The following IFT140 variants were observed in gnomAD, a reference collection of about 807,000 sequenced individuals.
IFT140 encodes the protein intraflagellar transport protein 140 homolog.
A neutral mutation model predicts 164.6 loss-of-function variants in IFT140; 133 were observed. The observed-to-expected ratio is 0.81, with a 90% confidence interval of 0.70 to 0.93. The LOEUF (loss-of-function observed/expected upper bound fraction) is 0.93. Ranked by LOEUF, IFT140 falls within the 40% of genes least tolerant of loss-of-function variation. The probability of loss-of-function intolerance (pLI) is 0.00; values close to 1 mark genes in which losing one functional copy is unlikely to be tolerated. For missense variants in IFT140, 2,045 were observed against 1,972.3 expected, an observed-to-expected ratio of 1.04 and a Z score of -0.70; for synonymous variants, 860 against 817.3, an observed-to-expected ratio of 1.05 and a Z score of -0.89.
intron 19 of IFT140, among the ~76,000 whole-genome samples, chr16:1,548,723 T>C (rs1326190834): frequency 6.6e-6 from 1 of 151,988 alleles, no homozygotes; most frequent in Non-Finnish European, 1.5e-5. Context: ...CTCCCCCACG[T>C]AGGGAAGGTG....
intron 13 of IFT140, among the ~76,000 whole-genome samples, chr16:1,572,516 G>T (rs2141649408): frequency 6.6e-6 from 1 of 152,246 alleles, no homozygotes; most frequent in East Asian, 1.9e-4. Context: ...TGTGGCGGTG[G>T]GTGCCTGTAG....
intron 19 of IFT140, chr16:1,554,270 C>T (rs1420293619): frequency 1.8e-5 from 8 of 434,814 alleles, no homozygotes; most frequent in Non-Finnish European, 2.4e-5. Flanking sequence ...GCTCTGGGCG[C>T]GATGAGCACC....
intron 19 of IFT140, among the ~76,000 whole-genome samples, chr16:1,548,189 G>C (rs2032331716): frequency 6.6e-6 from 1 of 152,086 alleles, no homozygotes; most frequent in African/African-American, 2.4e-5. Flanking sequence ...GCAGGGACTT[G>C]AGGTGGCCAG....
intron 4 of IFT140, among the ~76,000 whole-genome samples, chr16:1,597,771 A>T (rs1206390387): frequency 3.9e-5 from 6 of 152,228 alleles, no homozygotes; most frequent in Admixed American, 2.0e-4. Flanking sequence ...TGGATAATCT[A>T]TTTTGCTAGC....
At chr16:1,534,210 C>T in intron 19 of IFT140, 4 of 1,589,652 alleles carry the variant, frequency 2.5e-6, no homozygotes, top group Non-Finnish European at 3.4e-6. Flanking sequence ...GTCGGCTCTC[C>T]CTGGACGTGC....
At chr16:1,572,473 C>A (rs921294216) in intron 13 of IFT140, among the ~76,000 whole-genome samples, 3 of 152,048 alleles carry the variant, frequency 2.0e-5, no homozygotes, top group African/African-American at 7.2e-5. Context: ...GGTGAAACCC[C>A]GTCTCTACTA....
At chr16:1,592,883 AC>A (rs1415796485) in intron 4 of IFT140, among the ~76,000 whole-genome samples, 1 of 151,312 alleles carries the variant, frequency 6.6e-6, no homozygotes, top group Non-Finnish European at 1.5e-5. Context: ...TGGCAGAGTG[AC>A]TGGTGGAAGG....
Position 1,553,943 on chromosome 16 carries a change from G to A in IFT140, c.2399+3992C>T. ...TTTGGAGCTCCTCAAAGATAAAACT[G>A]TAAGTGAAACTGTAGCATCAGCGAC... On this transcript the variant is annotated intron_variant, in intron 19 of 30. Transcript: ENST00000426508. The surrounding 1 kb of genome is among the most constrained non-coding windows in gnomAD (Gnocchi z 4.4). The A allele has an allele frequency of 7.8e-7, 1 of 1,286,582 alleles. No homozygotes were observed. Among genetic ancestry groups the A allele is most frequent in the South Asian group, 1.2e-5 (1 of 80,920 alleles). 79.7% of individuals were successfully genotyped at this position (1,286,582 alleles called of 1,614,324 possible).
Position 1,571,459 on chromosome 16 carries a change from G to A in IFT140, c.1600C>T (p.Leu534=), listed in dbSNP as rs747185980. ...TGAGCCAAGTCTGTCCCTACAACCA[G>A]GAAATTCCCACAGATGTCCAAGAAG... ...PCFLDICGNF[L]VVGTDLAHFK... Residue 534 remains leucine (L), a synonymous_variant, in exon 14 of 31, where the codon CTG becomes TTG. Coordinates refer to ENST00000426508, the MANE Select transcript of IFT140 (RefSeq NM_014714.4). 2 of 1,614,160 alleles carry A rather than the reference G, an allele frequency of 1.2e-6. No homozygotes were observed. The highest frequency in any genetic ancestry group is 1.6e-4 in the Middle Eastern group (1 of 6,062).
At chr16:1,535,942 C>T (rs2031022947) in intron 19 of IFT140, among the ~76,000 whole-genome samples, 1 of 152,270 alleles carries the variant, frequency 6.6e-6, no homozygotes, top group South Asian at 2.1e-4. Context: ...AGGCGCCCTT[C>T]TTCCAGACTC....
intron 19 of IFT140, among the ~76,000 whole-genome samples, chr16:1,529,455 G>A (rs924285469): frequency 3.9e-5 from 6 of 152,350 alleles, no homozygotes; most frequent in South Asian, 2.1e-4. Context: ...TCGGCGCTGC[G>A]GTGAAGGTGA....
intron 13 of IFT140, among the ~76,000 whole-genome samples, chr16:1,572,725 G>A (rs141604003): frequency 1.3e-5 from 2 of 152,234 alleles, no homozygotes; most frequent in Non-Finnish European, 1.5e-5. Context: ...ATGCTTTGTG[G>A]TGTGTCTTTT....
chr16:1,530,022 G>T (rs1173691362), intron 19 of IFT140, among the ~76,000 whole-genome samples: 7 of 152,148 alleles, frequency 4.6e-5, no homozygotes, highest in Non-Finnish European at 7.4e-5. Flanking sequence ...CTGGGTGGTG[G>T]CAGCACTGGG....
chr16:1,563,702 C>T (rs1297844597), intron 17 of IFT140, among the ~76,000 whole-genome samples: 5 of 152,168 alleles, frequency 3.3e-5, no homozygotes, highest in African/African-American at 1.2e-4. Flanking sequence ...TCAGTGGGAG[C>T]TGTGAGGCAG....
rs1259235015 is a variant in IFT140, at chr16:1,587,888, C to T, written c.902+45G>A. The T allele has an allele frequency of 2.0e-6, 3 of 1,473,122 alleles. No individual in the cohort carries two copies. In the South Asian group the frequency reaches 3.6e-5, roughly 18 times the overall value. 91.3% of individuals were successfully genotyped at this position (1,473,122 alleles called of 1,614,324 possible). A position where few individuals can be genotyped will look rare whatever the true frequency, so the allele number is the denominator to read the frequency against. On this transcript the variant is annotated intron_variant, in intron 8 of 30. Transcript: ENST00000426508. ...AAAGCTGACTTAGAGGAGCCTGTTCCTCAGGGAACTCTCATCAAGGGGCAC... is the reference window on the plus strand; with the variant it reads ...AAAGCTGACTTAGAGGAGCCTGTTCTTCAGGGAACTCTCATCAAGGGGCAC...
At chr16:1,537,684 G>A (rs941797228) in intron 19 of IFT140, among the ~76,000 whole-genome samples, 1 of 152,176 alleles carries the variant, frequency 6.6e-6, no homozygotes, top group African/African-American at 2.4e-5. Flanking sequence ...TCCTCACTTC[G>A]TCTCGTTTTG....
chr16:1,607,337 A>T (rs1187542626), intron 2 of IFT140, 40 bp from the exon 3 acceptor site: 1 of 1,504,730 alleles, frequency 6.6e-7, no homozygotes, highest in South Asian at 1.2e-5. Context: ...ATCAGTTTTA[A>T]ATAAAACAAA....
chr16:1,516,286 A>G (rs1302887257), intron 30 of IFT140, among the ~76,000 whole-genome samples: 1 of 151,990 alleles, frequency 6.6e-6, no homozygotes, highest in African/African-American at 2.4e-5. Flanking sequence ...ATAACACTAT[A>G]CTGTGTTTAT....
intron 1 of IFT140, among the ~76,000 whole-genome samples, chr16:1,611,204 C>A (rs2036306918): frequency 6.6e-6 from 1 of 152,202 alleles, no homozygotes; most frequent in Admixed American, 6.5e-5. Flanking sequence ...AGGCAGGGAG[C>A]GCCCCCAAGA....
Sources: allele counts gnomAD v4.1 joint callset (sites outside exome capture counted in the v4.1 genomes callset), GRCh38; gene constraint gnomAD v4.1.1; non-coding constraint Gnocchi (gnomAD v3.1); transcripts MANE v1.5; gene names NCBI Gene and HGNC (gene_info 2026-07-23, HGNC 2026-07-21).